CSRP2: variants seen among roughly 807,000 people sequenced by gnomAD.
The protein encoded by CSRP2 is cysteine and glycine rich protein 2.
Under a neutral mutation model 24.6 loss-of-function variants are expected in CSRP2, and 18 were observed. The observed-to-expected ratio is 0.73, with a 90% CI of 0.51 to 1.09. The LOEUF (loss-of-function observed/expected upper bound fraction) is 1.09, where lower values mean the gene tolerates loss of function less well. Among genes scored for constraint, CSRP2 ranks in the 50% least tolerant of loss-of-function variants. The probability of loss-of-function intolerance (pLI) is 0.00; values close to 1 mark genes in which losing one functional copy is unlikely to be tolerated. For synonymous variants in CSRP2, 87 were observed against 84.3 expected, an observed-to-expected ratio of 1.03 and a Z score of -0.18; for missense variants, 215 against 239.4, an observed-to-expected ratio of 0.90 and a Z score of 0.67.
intron 1 of CSRP2, among the ~76,000 whole-genome samples, chr12:76,866,578 A>C (rs932438589): frequency 6.6e-6 from 1 of 152,150 alleles, no homozygotes; most frequent in African/African-American, 2.4e-5. Flanking sequence ...GTTAAGAAAG[A>C]AGCGTGGGGA....
chr12:76,861,699 T>C (rs1953680613), intron 3 of CSRP2: 3 of 152,120 alleles, frequency 2.0e-5, no homozygotes, highest in Admixed American at 2.0e-4. Context: ...CATACTGCAG[T>C]AGGAAGAGAA....
intron 1 of CSRP2, among the ~76,000 whole-genome samples, chr12:76,877,978 C>CAA (rs201619745): frequency 1.2e-3 from 129 of 109,748 alleles, no homozygotes; most frequent in African/African-American, 3.9e-3. Context: ...CCCCACCCCC[C>CAA]AAAAAAAATT....
At chr12:76,874,628 G>A (rs904540652) in intron 1 of CSRP2, among the ~76,000 whole-genome samples, 1 of 152,154 alleles carries the variant, frequency 6.6e-6, no homozygotes, top group African/African-American at 2.4e-5. Context: ...CAGACCGATG[G>A]CTGTGTTTTG....
intron 1 of CSRP2, among the ~76,000 whole-genome samples, chr12:76,867,177 T>A (rs1484357765): frequency 1.3e-5 from 2 of 152,044 alleles, no homozygotes; most frequent in Non-Finnish European, 1.5e-5. Flanking sequence ...CAAATTAGTC[T>A]GCCTCGACCA....
intron 5 of CSRP2, 80 bp from the exon 6 acceptor site, chr12:76,859,108 C>A (rs2137819795): frequency 2.6e-6 from 3 of 1,150,316 alleles, no homozygotes; most frequent in Admixed American, 1.8e-5. Flanking sequence ...ACTCAACAAA[C>A]CCCCATAAAT....
intron 1 of CSRP2, 70 bp from the exon 2 acceptor site, chr12:76,866,331 C>T: frequency 8.4e-7 from 1 of 1,195,976 alleles, no homozygotes; most frequent in South Asian, 1.3e-5. Context: ...GCTATTTAAG[C>T]CCAGGGACAG....
intron 2 of CSRP2, 59 bp from the exon 3 acceptor site, chr12:76,863,403 A>G (rs1220144593): frequency 1.3e-6 from 2 of 1,550,526 alleles, no homozygotes; most frequent in Non-Finnish European, 1.8e-6. Context: ...TCCTTAGAAC[A>G]ATGGTGGCAC....
intron 1 of CSRP2, among the ~76,000 whole-genome samples, chr12:76,870,069 C>G (rs908807983): frequency 4.6e-5 from 7 of 152,202 alleles, no homozygotes; most frequent in African/African-American, 1.7e-4. Flanking sequence ...TATTGGATCC[C>G]AAGTTATCAA....
intron 1 of CSRP2, among the ~76,000 whole-genome samples, chr12:76,871,069 G>A (rs1296923223): frequency 1.3e-5 from 2 of 151,348 alleles, no homozygotes; most frequent in Non-Finnish European, 2.9e-5. Flanking sequence ...TTTCATAATG[G>A]AAGGAGGGAG....
intron 4 of CSRP2, 26 bp from the exon 5 acceptor site, chr12:76,859,666 GTT>G: frequency 6.4e-7 from 1 of 1,553,040 alleles, no homozygotes; most frequent in Non-Finnish European, 8.9e-7. Context: ...GTGTCAGCAT[GTT>G]TGAGAGGCCT....
intron 1 of CSRP2, among the ~76,000 whole-genome samples, chr12:76,875,560 C>T (rs1028400950): frequency 3.9e-5 from 6 of 152,146 alleles, no homozygotes; most frequent in South Asian, 2.1e-4. Flanking sequence ...AATATTTGCA[C>T]GATTTTTTCA....
chr12:76,871,150 C>T (rs1053581697), intron 1 of CSRP2, among the ~76,000 whole-genome samples: 2 of 151,988 alleles, frequency 1.3e-5, no homozygotes, highest in Non-Finnish European at 2.9e-5. Flanking sequence ...CAACCTTGGG[C>T]TTCATTTTCT....
intron 1 of CSRP2, among the ~76,000 whole-genome samples, chr12:76,872,845 C>A (rs1953814557): frequency 6.6e-6 from 1 of 152,154 alleles, no homozygotes; most frequent in South Asian, 2.1e-4. Context: ...ACTCTCCGCT[C>A]CTTAAAACCA....
intron 1 of CSRP2, among the ~76,000 whole-genome samples, chr12:76,871,509 G>A (rs1445131170): frequency 2.0e-5 from 3 of 152,294 alleles, no homozygotes; most frequent in Non-Finnish European, 2.9e-5. Context: ...GGTGGCTCAC[G>A]CCTGTAATCC....
chr12:76,865,818 C>A, intron 2 of CSRP2: 1 of 240,930 alleles, frequency 4.2e-6, no homozygotes, highest in East Asian at 1.0e-4. Flanking sequence ...GAGCTAAGCC[C>A]TTGTAATGTG....
chr12:76,876,138 A>C (rs955607771), intron 1 of CSRP2, among the ~76,000 whole-genome samples: 1 of 152,210 alleles, frequency 6.6e-6, no homozygotes, highest in Admixed American at 6.5e-5. Flanking sequence ...TTTTGGAAGT[A>C]CTGTGAAACC....
chr12:76,869,569 CACACACA>C (rs1426733291), intron 1 of CSRP2, among the ~76,000 whole-genome samples: 4 of 145,462 alleles, frequency 2.7e-5, no homozygotes, highest in African/African-American at 1.0e-4. Flanking sequence ...CACACACACA[CACACACA>C]CACCCCTGAC....
intron 3 of CSRP2, 41 bp downstream of exon 3, chr12:76,863,135 G>C (rs772933996): frequency 6.3e-7 from 1 of 1,576,020 alleles, no homozygotes; most frequent in Non-Finnish European, 8.6e-7. Flanking sequence ...ACTAACTGTC[G>C]CAACTCATTT....
intron 3 of CSRP2, chr12:76,862,225 TGG>T (rs201442158): frequency 1.3e-5 from 2 of 152,282 alleles, no homozygotes; most frequent in African/African-American, 4.8e-5. Flanking sequence ...GTGGAATCAC[TGG>T]GTTAAAAGTA....
Sources: allele counts gnomAD v4.1 joint callset (sites outside exome capture counted in the v4.1 genomes callset), GRCh38; gene constraint gnomAD v4.1.1; transcripts MANE v1.5; gene names NCBI Gene and HGNC (gene_info 2026-07-23, HGNC 2026-07-21).